KCNH1: variants seen among roughly 807,000 people sequenced by gnomAD.
KCNH1 encodes the protein potassium voltage-gated channel subfamily H member 1.
In KCNH1, 27 loss-of-function variants were observed where a neutral mutation model predicts 69.2. The observed-to-expected ratio is 0.39, with a 90% CI of 0.29 to 0.54. KCNH1 has a LOEUF of 0.54. Ranked by LOEUF, KCNH1 falls within the 20% of genes least tolerant of loss-of-function variation. The pLI is 0.68. For missense variants in KCNH1, 798 were observed against 1,261.6 expected, an observed-to-expected ratio of 0.63 and a Z score of 5.57; for synonymous variants, 456 against 487.7, an observed-to-expected ratio of 0.93 and a Z score of 0.86.
intron 5 of KCNH1, among the ~76,000 whole-genome samples, chr1:211,075,927 A>G (rs1690724301): frequency 6.6e-6 from 1 of 152,220 alleles, no homozygotes; most frequent in Non-Finnish European, 1.5e-5. Flanking sequence ...CCAGGAGATT[A>G]TATCCCGCAC....
intron 7 of KCNH1, among the ~76,000 whole-genome samples, chr1:210,902,056 G>T (rs1252566031): frequency 1.3e-5 from 2 of 152,130 alleles, no homozygotes. Context: ...AGAGTGGAGG[G>T]GCCCCAGGAA....
chr1:210,907,522 C>A (rs1453924623), intron 7 of KCNH1, among the ~76,000 whole-genome samples: 2 of 141,480 alleles, frequency 1.4e-5, no homozygotes, highest in East Asian at 2.0e-4. Flanking sequence ...GGAAAAAGGA[C>A]TGGGAAGAAA....
At chr1:211,021,846 T>C (rs575083027) in intron 5 of KCNH1, among the ~76,000 whole-genome samples, 2 of 152,112 alleles carry the variant, frequency 1.3e-5, no homozygotes, top group Non-Finnish European at 2.9e-5. Context: ...ACACAAAAAA[T>C]GGAAAAGTAT....
At chr1:210,829,197 T>C (rs189052654) in intron 7 of KCNH1, among the ~76,000 whole-genome samples, 3 of 152,260 alleles carry the variant, frequency 2.0e-5, no homozygotes, top group Admixed American at 6.5e-5. Flanking sequence ...AAAATGTCTA[T>C]CCCTTTTGCT....
intron 10 of KCNH1, among the ~76,000 whole-genome samples, chr1:210,754,199 A>C (rs564594238): frequency 5.1e-4 from 78 of 152,020 alleles, no homozygotes; most frequent in Non-Finnish European, 9.9e-4. Context: ...GATTACAGGC[A>C]TGAGCCACCG....
chr1:211,066,974 A>T (rs1395331379), intron 5 of KCNH1, among the ~76,000 whole-genome samples: 4 of 151,770 alleles, frequency 2.6e-5, no homozygotes, highest in African/African-American at 9.7e-5. Flanking sequence ...TGCATATCTC[A>T]GATTACATCT....
Position 210,683,237 on chromosome 1 carries a change from G to C in KCNH1, c.*44C>G, listed in dbSNP as rs1294332128. 6.4e-7 allele frequency: 1 copy of C among 1,574,780 alleles called. No homozygotes were observed. The highest frequency in any genetic ancestry group is 1.2e-5 in the South Asian group (1 of 85,916). Reference sequence around the variant, plus strand: ...TGTGGTAGGGGTGGTGGTGACGGCAGGGTTGGAGGTATCTGTCTCTGACTT... The same window carrying C: ...TGTGGTAGGGGTGGTGGTGACGGCACGGTTGGAGGTATCTGTCTCTGACTT... On this transcript the variant is annotated 3_prime_UTR_variant, in exon 11 of 11. Coordinates refer to ENST00000271751, the MANE Select transcript of KCNH1 (RefSeq NM_172362.3). This position sits in a 1 kb window ranked among gnomAD's most constrained non-coding sequence, Gnocchi z 5.7.
intron 8 of KCNH1, 31 bp from the exon 9 acceptor site, chr1:210,797,791 G>T: frequency 1.3e-6 from 2 of 1,593,244 alleles, no homozygotes; most frequent in East Asian, 4.5e-5. Flanking sequence ...ACAGTGTGAG[G>T]GTCCTCACTG....
intron 9 of KCNH1, among the ~76,000 whole-genome samples, chr1:210,795,563 T>C (rs1353829273): frequency 2.0e-5 from 3 of 152,120 alleles, no homozygotes; most frequent in Non-Finnish European, 2.9e-5. Flanking sequence ...TCAGTTGGCT[T>C]AGGACCAAAA....
At chr1:210,974,296 C>A (rs1688561652) in intron 6 of KCNH1, among the ~76,000 whole-genome samples, 1 of 151,800 alleles carries the variant, frequency 6.6e-6, no homozygotes, top group South Asian at 2.1e-4. Context: ...TGGATTTTTT[C>A]TTTTATCATA....
At chr1:210,702,852 A>ACAT (rs1681818711) in intron 10 of KCNH1, among the ~76,000 whole-genome samples, 1 of 148,388 alleles carries the variant, frequency 6.7e-6, no homozygotes, top group Non-Finnish European at 1.5e-5. Flanking sequence ...CCACTTTACT[A>ACAT]CATCAGTTAC....
At chr1:211,014,632 C>A (rs1689458783) in intron 6 of KCNH1, among the ~76,000 whole-genome samples, 1 of 152,176 alleles carries the variant, frequency 6.6e-6, no homozygotes, top group Non-Finnish European at 1.5e-5. Flanking sequence ...CTCCCCACCC[C>A]CACTGCACAC....
intron 7 of KCNH1, among the ~76,000 whole-genome samples, chr1:210,905,655 G>GA (rs537710961): frequency 0.017 from 2,577 of 148,296 alleles, 66 homozygotes; most frequent in African/African-American, 0.06. Flanking sequence ...CATCTCAGGG[G>GA]AAAAAAAAAA....
chr1:210,746,452 C>A (rs1052979471), intron 10 of KCNH1, among the ~76,000 whole-genome samples: 1 of 152,180 alleles, frequency 6.6e-6, no homozygotes, highest in African/African-American at 2.4e-5. Context: ...GTCCAGCCCT[C>A]TTTTAATCCA....
chr1:210,794,390 G>A (rs1464479671), intron 9 of KCNH1, among the ~76,000 whole-genome samples: 1 of 152,162 alleles, frequency 6.6e-6, no homozygotes, highest in Non-Finnish European at 1.5e-5. Context: ...CAACCACTTT[G>A]AATCCAAAGC....
At chr1:210,826,357 AT>A (rs1257421709) in intron 7 of KCNH1, among the ~76,000 whole-genome samples, 1 of 152,154 alleles carries the variant, frequency 6.6e-6, no homozygotes, top group African/African-American at 2.4e-5. Context: ...GTTCTCTCCC[AT>A]CCCCATCCCC....
Position 210,775,366 on chromosome 1 carries a change from C to A in KCNH1, c.2094G>T (p.Thr698=), listed in dbSNP as rs753229797. The change falls in exon 10 of 11, where the codon ACG becomes ACT. Residue 698 remains threonine (T), a synonymous_variant. Coordinates refer to ENST00000271751, the MANE Select transcript of KCNH1 (RefSeq NM_172362.3). ...SHSFSRNLIL[T]YNLRKRIVFR... ...AGCTCACCCTCTTCCTCAAGTTGTACGTCAGAATCAGGTTCCGGGAGAAGG... is the reference window on the plus strand; with the variant it reads ...AGCTCACCCTCTTCCTCAAGTTGTAAGTCAGAATCAGGTTCCGGGAGAAGG... 8 of 1,613,878 alleles carry A rather than the reference C, an allele frequency of 5.0e-6. No homozygotes were observed. The highest frequency in any genetic ancestry group is 1.7e-5 in the Admixed American group (1 of 59,988).
intron 10 of KCNH1, among the ~76,000 whole-genome samples, chr1:210,684,398 AT>A (rs984353794): frequency 6.6e-6 from 1 of 152,032 alleles, no homozygotes; most frequent in South Asian, 2.1e-4. Flanking sequence ...AACACATCCC[AT>A]TTTTTCCCCT....
At chr1:210,859,747 A>G (rs1319160814) in intron 7 of KCNH1, 2 of 1,081,276 alleles carry the variant, frequency 1.8e-6, no homozygotes, top group Middle Eastern at 2.3e-4. Flanking sequence ...TATCTGTTCC[A>G]TATCAATAAG....
Sources: gnomAD v4.1 joint callset for allele counts (sites outside exome capture counted in the v4.1 genomes callset) on GRCh38, gnomAD v4.1.1 for gene constraint, Gnocchi (gnomAD v3.1) non-coding constraint, MANE v1.5 for transcripts, NCBI Gene and HGNC (gene_info 2026-07-23, HGNC 2026-07-21) for gene names.